Variants in DRG2 observed in about 807,000 individuals in gnomAD.
The protein encoded by DRG2 is developmentally regulated GTP binding protein 2.
A neutral mutation model predicts 53.4 loss-of-function variants in DRG2; 36 were observed. The ratio of observed to expected loss-of-function variants is 0.67; its 90% CI spans 0.52 to 0.89. The LOEUF is 0.89. Ranked by LOEUF, DRG2 falls within the 40% of genes least tolerant of loss-of-function variation. DRG2 has a pLI of 0.00. For synonymous variants in DRG2, 167 were observed against 192.1 expected (o/e 0.87, Z 1.08); for missense variants, 342 against 481.2 (o/e 0.71, Z 2.71).
intron 9 of DRG2, 129 bp downstream of exon 9, chr17:18,102,126 C>A: frequency 1.0e-6 from 1 of 966,720 alleles, no homozygotes; most frequent in Non-Finnish European, 1.6e-6. Flanking sequence ...ACACAGCCGT[C>A]ACGGAGCCCA....
rs1057135461 is a variant in DRG2 at position 18,098,075 on chromosome 17, G to C, written c.226-195G>C. 3 of 538,908 alleles carry C rather than the reference G, an allele frequency of 5.6e-6. No individual in the cohort carries two copies. The highest frequency in any genetic ancestry group is 2.0e-5 in the South Asian group (1 of 50,246). 33.4% of individuals were successfully genotyped at this position (538,908 alleles called of 1,614,324 possible). On this transcript the variant is annotated intron_variant, in intron 2 of 12. Transcript: ENST00000225729. The surrounding 1 kb of genome is among the most constrained non-coding windows in gnomAD (Gnocchi z 4.1). Reference sequence around the variant, plus strand: ...CCTCCAAGGAACAGATGGGCCTCTGGTGTCTGACCCATCCAGGACAGGGCC... The same window carrying C: ...CCTCCAAGGAACAGATGGGCCTCTGCTGTCTGACCCATCCAGGACAGGGCC...
chr17:18,104,449 G>C, intron 10 of DRG2, 174 bp from the exon 11 acceptor site: 1 of 1,352,204 alleles, frequency 7.4e-7, no homozygotes, highest in South Asian at 1.5e-5. Flanking sequence ...GATCAAGGTC[G>C]TAGAAGATGG....
intron 2 of DRG2, among the ~76,000 whole-genome samples, chr17:18,095,083 C>T (rs2045408947): frequency 2.0e-5 from 3 of 147,206 alleles, no homozygotes; most frequent in South Asian, 2.2e-4. Flanking sequence ...GAGTCTTGCT[C>T]GGCTCACTGC....
chr17:18,093,871 C>T lies in DRG2; in HGVS notation c.123C>T (p.Leu41=), dbSNP rs2045380712. The change falls in exon 2 of 13, where the codon CTC becomes CTT. Residue 41 remains leucine, a synonymous_variant. Transcript: ENST00000225729. ...AGCTCGCCAAGTATCGGGCCCAGCTCCTGGAACCGTCCAAATCGGCCTCGT... is the reference window on the plus strand; with the variant it reads ...AGCTCGCCAAGTATCGGGCCCAGCTTCTGGAACCGTCCAAATCGGCCTCGT... The part of the protein sequence containing the change: ...KAKLAKYRAQ[L]LEPSKSASSK... 2.5e-6 allele frequency: 4 copies of T among 1,614,070 alleles called. No homozygotes were observed. The highest frequency in any genetic ancestry group is 2.2e-5 in the East Asian group (1 of 44,882).
chr17:18,088,044 C>A lies in DRG2; in HGVS notation c.21C>A (p.Ile7=), dbSNP rs1229971138. The A allele has an allele frequency of 1.9e-6, 3 of 1,550,006 alleles. No individual in the cohort carries two copies. The highest frequency in any genetic ancestry group is 1.7e-6 in the Non-Finnish European group (2 of 1,146,404). MGILEK[I]SEIEKEIART... ...CTACCATGGGGATCTTAGAGAAGATCTCGGAGATCGAGAAGGAGATCGCTC... is the reference window on the plus strand; with the variant it reads ...CTACCATGGGGATCTTAGAGAAGATATCGGAGATCGAGAAGGAGATCGCTC... The change falls in exon 1 of 13, where the codon ATC becomes ATA. Residue 7 remains isoleucine (I), a synonymous_variant. Coordinates refer to ENST00000225729, the MANE Select transcript of DRG2 (RefSeq NM_001388.5).
Position 18,090,381 on chromosome 17 carries a change from TATA to T in DRG2, c.64+2295_64+2297del, listed in dbSNP as rs2045298629. ...CACCGGGCTAATTTATATATATATA[TATA>T]TATATATATATATATATATATATTT... is the stretch of plus-strand genomic sequence containing the variant. On this transcript the variant is annotated intron_variant, in intron 1 of 12. Transcript: ENST00000225729. Among the ~76,000 whole-genome samples, 2 of 17,632 alleles carry T rather than the reference TATA, an allele frequency of 1.1e-4. 1 individual carries two copies. The highest frequency in any genetic ancestry group is 1.8e-4 in the Non-Finnish European group (2 of 11,346). 11.6% of individuals were successfully genotyped at this position (17,632 alleles called of 152,430 possible). A position where few individuals can be genotyped will look rare whatever the true frequency, so the allele number is the denominator to read the frequency against.
chr17:18,101,927 A>G lies in DRG2; in HGVS notation c.736A>G (p.Asn246Asp), dbSNP rs981560358. The G allele has an allele frequency of 6.2e-7, 1 of 1,611,890 alleles. No homozygotes were observed. The change falls in exon 9 of 13, where the codon AAC becomes GAC. Residue 246 changes from asparagine to aspartate, a missense_variant. Physicochemically the swap from Asn to Asp is conservative, Grantham distance 23 (BLOSUM62 1). Transcript: ENST00000225729. ...RVYMPCLYVY[N>D]KIDQISMEEV... ...TCCACCTTCTCAATCTCAGGTTTAT[A>G]ACAAAATCGACCAGATCTCCATGGA...
chr17:18,090,425 TTTTTTTTTG>T, intron 1 of DRG2, among the ~76,000 whole-genome samples: 1 of 88,074 alleles, frequency 1.1e-5, no homozygotes, highest in African/African-American at 4.1e-5. Context: ...TTTTTTTTTT[TTTTTTTTTG>T]AGATGGAGTT....
chr17:18,091,899 T>C (rs929907311), intron 1 of DRG2: 3 of 152,162 alleles, frequency 2.0e-5, no homozygotes, highest in Admixed American at 6.6e-5. Context: ...GTTACTACTG[T>C]TAATAACCCT....
At chr17:18,092,303 A>G (rs770743858) in intron 1 of DRG2, among the ~76,000 whole-genome samples, 34 of 152,132 alleles carry the variant, frequency 2.2e-4, no homozygotes, top group Non-Finnish European at 1.6e-4. Context: ...ATCTCTACAA[A>G]AACAATTTTT....
chr17:18,103,461 G>T lies in DRG2; in HGVS notation c.807-340G>T, dbSNP rs1235650090. ...TCCTCTCAAGGAGTGAACTCTGGGT[G>T]TCAGGGTTCCTAGCCTTTGCCCATG... On this transcript the variant is annotated intron_variant, in intron 9 of 12. Transcript: ENST00000225729. The surrounding 1 kb of genome is among the most constrained non-coding windows in gnomAD (Gnocchi z 4.4). 6.6e-6 allele frequency among the ~76,000 whole-genome samples: 1 copy of T among 152,146 alleles called. No individual in the cohort carries two copies. The highest frequency in any genetic ancestry group is 1.5e-5 in the Non-Finnish European group (1 of 68,030).
At chr17:18,088,215 G>A (rs1330706137) in intron 1 of DRG2, 128 bp downstream of exon 1, 14 of 1,201,470 alleles carry the variant, frequency 1.2e-5, no homozygotes, top group Non-Finnish European at 1.6e-5. Flanking sequence ...CCAGACAAGT[G>A]CCGAGGCCGC....
rs1325427559 is a variant in DRG2 at position 18,103,917 on chromosome 17, A to G, written c.895+28A>G. On this transcript the variant is annotated intron_variant, in intron 10 of 12. Coordinates refer to ENST00000225729, the MANE Select transcript of DRG2 (RefSeq NM_001388.5). This position sits in a 1 kb window ranked among gnomAD's most constrained non-coding sequence, Gnocchi z 4.4. ...GAGTTGCACTGCGCGTAGCTGAAAA[A>G]CAGGCTGAGCTTCATCCCTAGAAGG... 6.2e-7 allele frequency: 1 copy of G among 1,609,450 alleles called. No individual in the cohort carries two copies. Among genetic ancestry groups the G allele is most frequent in the Admixed American group, 1.7e-5 (1 of 60,006 alleles).
rs924909358 is a variant in DRG2, at chr17:18,094,113, C to T, written c.225+140C>T. ...CCTGGCCTCCCCCAGGGTCAGATCC[C>T]AGCCCTTTATCATCCTAACATGGAG... On this transcript the variant is annotated intron_variant, in intron 2 of 12. Transcript: ENST00000225729. 12 of 1,173,328 alleles carry T rather than the reference C, an allele frequency of 1.0e-5. No homozygotes were observed. In the South Asian group the frequency reaches 2.0e-4, roughly 19 times the overall value. The allele number at this position is 1,173,328 out of a possible 1,614,324, so 72.7% of individuals were successfully genotyped here.
chr17:18,098,153 G>GC lies in DRG2; in HGVS notation c.226-115dup. 1.3e-6 allele frequency: 1 copy of GC among 787,082 alleles called. No individual in the cohort carries two copies. The highest frequency in any genetic ancestry group is 2.1e-6 in the Non-Finnish European group (1 of 466,742). The allele number at this position is 787,082 out of a possible 1,614,324, so 48.8% of individuals were successfully genotyped here. On this transcript the variant is annotated intron_variant, in intron 2 of 12. Transcript: ENST00000225729. The surrounding 1 kb of genome is among the most constrained non-coding windows in gnomAD (Gnocchi z 4.1). ...TCTTCACAGCCACCTAGGTCACCAA[G>GC]CCGAGGGTGAGAGGGTCTCCTCCTG... is the stretch of plus-strand genomic sequence containing the variant.
In DRG2 at chr17:18,107,587, C is replaced by G. The variant is rs1597735342; in HGVS notation, c.*347C>G. ...AGCAGATGGCATGCTCAGTGCCAGG[C>G]TGGTAGCTGGGCCTGTTTGGGTCCC... is the stretch of plus-strand genomic sequence containing the variant. On this transcript the variant is annotated 3_prime_UTR_variant, in exon 13 of 13. Coordinates refer to ENST00000225729, the MANE Select transcript of DRG2 (RefSeq NM_001388.5). The G allele has an allele frequency of 6.9e-6, 2 of 290,198 alleles. No homozygotes were observed. The highest frequency in any genetic ancestry group is 8.6e-5 in the Admixed American group (2 of 23,344). 18.0% of individuals were successfully genotyped at this position (290,198 alleles called of 1,614,324 possible).
At chr17:18,101,211 G>T (rs952563459) in intron 7 of DRG2, among the ~76,000 whole-genome samples, 9 of 152,222 alleles carry the variant, frequency 5.9e-5, no homozygotes, top group Non-Finnish European at 1.2e-4. Context: ...TAAAACCCAG[G>T]CTTCCCCTGA....
At chr17:18,089,626 G>T (rs2045278418) in intron 1 of DRG2, among the ~76,000 whole-genome samples, 1 of 152,194 alleles carries the variant, frequency 6.6e-6, no homozygotes, top group South Asian at 2.1e-4. Context: ...GCAGAATATT[G>T]GGGGTGGGGA....
At chr17:18,106,832 G>A (rs2045647449) in intron 12 of DRG2, among the ~76,000 whole-genome samples, 1 of 151,938 alleles carries the variant, frequency 6.6e-6, no homozygotes, top group South Asian at 2.1e-4. Context: ...TGGGACTACA[G>A]GCACACACCA....
Sources: allele counts gnomAD v4.1 joint callset (sites outside exome capture counted in the v4.1 genomes callset), GRCh38; gene constraint gnomAD v4.1.1; non-coding constraint Gnocchi (gnomAD v3.1); transcripts MANE v1.5; gene names NCBI Gene and HGNC (gene_info 2026-07-23, HGNC 2026-07-21).